The following LUZP2 variants were observed in gnomAD, a reference collection of about 807,000 sequenced individuals.
The protein encoded by LUZP2 is leucine zipper protein 2.
A neutral mutation model predicts 51.6 loss-of-function variants in LUZP2; 52 were observed. The ratio of observed to expected loss-of-function variants is 1.01; its 90% CI spans 0.81 to 1.27. The LOEUF is 1.27. LUZP2 is among the 50% of genes most tolerant of loss of function. LUZP2 has a pLI of 0.00. For missense variants in LUZP2, 436 were observed against 395.4 expected, an observed-to-expected ratio of 1.10 and a Z score of -0.87; for synonymous variants, 154 against 137.3, an observed-to-expected ratio of 1.12 and a Z score of -0.85.
intron 4 of LUZP2, among the ~76,000 whole-genome samples, chr11:24,742,493 A>G (rs186742603): frequency 6.6e-6 from 1 of 152,154 alleles, no homozygotes. Context: ...TGCAATTTGT[A>G]TATCTTCTTT....
chr11:24,828,333 A>G (rs1431281723), intron 5 of LUZP2, among the ~76,000 whole-genome samples: 1 of 152,186 alleles, frequency 6.6e-6, no homozygotes, highest in Non-Finnish European at 1.5e-5. Context: ...CAAAGACACA[A>G]GCAACTTAGA....
chr11:24,668,795 A>G (rs1489404652), intron 1 of LUZP2, among the ~76,000 whole-genome samples: 2 of 152,186 alleles, frequency 1.3e-5, no homozygotes, highest in Non-Finnish European at 2.9e-5. Context: ...GAAATGAAAT[A>G]TACAAAAAGT....
chr11:24,865,346 G>C (rs1380674494), intron 5 of LUZP2, among the ~76,000 whole-genome samples: 1 of 152,148 alleles, frequency 6.6e-6, no homozygotes, highest in Non-Finnish European at 1.5e-5. Context: ...TGTACAAGTA[G>C]GATAATCTAA....
At chr11:25,062,587 CAAAAAAA>C (rs1163708322) in intron 10 of LUZP2, among the ~76,000 whole-genome samples, 7 of 43,090 alleles carry the variant, frequency 1.6e-4, no homozygotes, top group Non-Finnish European at 3.1e-4. Flanking sequence ...AAGACCCTGT[CAAAAAAA>C]AAAAAAAAAA....
At chr11:24,989,869 G>A (rs1167770667) in intron 9 of LUZP2, among the ~76,000 whole-genome samples, 1 of 152,044 alleles carries the variant, frequency 6.6e-6, no homozygotes, top group Non-Finnish European at 1.5e-5. Flanking sequence ...CTAAAATCAG[G>A]TTGTTTTTTT....
At chr11:24,940,747 T>C (rs1854723929) in intron 7 of LUZP2, among the ~76,000 whole-genome samples, 1 of 152,178 alleles carries the variant, frequency 6.6e-6, no homozygotes, top group Non-Finnish European at 1.5e-5. Flanking sequence ...TCTTTTGGGT[T>C]CTAATAGAAC....
At chr11:25,053,199 T>G (rs551970592) in intron 10 of LUZP2, among the ~76,000 whole-genome samples, 97 of 152,204 alleles carry the variant, frequency 6.4e-4, no homozygotes, top group African/African-American at 2.3e-3. Flanking sequence ...AAAGATGAAG[T>G]GTAACATGAG....
chr11:25,051,793 A>T (rs58128278), intron 10 of LUZP2, among the ~76,000 whole-genome samples: 80,901 of 152,006 alleles, frequency 0.53, 22,269 homozygotes, highest in African/African-American at 0.62. Context: ...TTGAAACTAC[A>T]TAAAAACATG....
intron 1 of LUZP2, among the ~76,000 whole-genome samples, chr11:24,709,576 G>A (rs562120544): frequency 1.3e-5 from 2 of 152,160 alleles, no homozygotes; most frequent in East Asian, 1.9e-4. Context: ...TATTGTTTAA[G>A]GCTATGATTG....
intron 5 of LUZP2, among the ~76,000 whole-genome samples, chr11:24,772,915 A>T (rs1848793324): frequency 6.6e-6 from 1 of 152,060 alleles, no homozygotes. Context: ...TAGATTTTGA[A>T]CCCACTCTAA....
intron 4 of LUZP2, among the ~76,000 whole-genome samples, chr11:24,752,137 CAAAAT>C (rs1173892036): frequency 2.0e-5 from 3 of 151,792 alleles, no homozygotes; most frequent in East Asian, 3.9e-4. Flanking sequence ...ATCTGAGTCA[CAAAAT>C]AAAAGCACAC....
At chr11:24,837,567 T>C (rs1291291241) in intron 5 of LUZP2, among the ~76,000 whole-genome samples, 1 of 151,706 alleles carries the variant, frequency 6.6e-6, no homozygotes, top group South Asian at 2.1e-4. Flanking sequence ...AAGAGTAATA[T>C]CTAATTCAGG....
chr11:24,926,112 G>A (rs1053126592), intron 7 of LUZP2, among the ~76,000 whole-genome samples: 9 of 151,180 alleles, frequency 6.0e-5, no homozygotes, highest in Admixed American at 1.3e-4. Context: ...GTGTGTGTTT[G>A]TGTGTGTATA....
chr11:24,845,647 A>G (rs1851175587), intron 5 of LUZP2, among the ~76,000 whole-genome samples: 1 of 152,182 alleles, frequency 6.6e-6, no homozygotes, highest in Non-Finnish European at 1.5e-5. Flanking sequence ...ACATGATTGA[A>G]TTATGGGGGT....
intron 1 of LUZP2, among the ~76,000 whole-genome samples, chr11:24,652,524 G>T (rs1193555861): frequency 2.0e-5 from 3 of 152,006 alleles, no homozygotes; most frequent in African/African-American, 4.8e-5. Context: ...AAAATCTATA[G>T]ATAATATTTA....
chr11:24,802,242 A>G (rs925868013), intron 5 of LUZP2, among the ~76,000 whole-genome samples: 1 of 152,088 alleles, frequency 6.6e-6, no homozygotes, highest in Admixed American at 6.6e-5. Context: ...ATGGTTAGCT[A>G]TGATATAGTT....
chr11:24,798,129 C>T (rs1849597364), intron 5 of LUZP2, among the ~76,000 whole-genome samples: 4 of 151,724 alleles, frequency 2.6e-5, no homozygotes. Flanking sequence ...TGTTTGTTTG[C>T]TTGCTTATTT....
chr11:24,658,956 CTT>C (rs1208228838), intron 1 of LUZP2, among the ~76,000 whole-genome samples: 2 of 152,154 alleles, frequency 1.3e-5, no homozygotes, highest in Non-Finnish European at 2.9e-5. Context: ...AATAGGAACA[CTT>C]TTATACTGTT....
intron 5 of LUZP2, among the ~76,000 whole-genome samples, chr11:24,899,576 CAA>C (rs952205227): frequency 1.5e-3 from 230 of 152,060 alleles, no homozygotes; most frequent in African/African-American, 5.3e-3. Context: ...ACTTTATATA[CAA>C]AGTCTCAAGA....
Sources: allele counts gnomAD v4.1 joint callset (sites outside exome capture counted in the v4.1 genomes callset), GRCh38; gene constraint gnomAD v4.1.1; transcripts MANE v1.5; gene names NCBI Gene and HGNC (gene_info 2026-07-23, HGNC 2026-07-21).